The following FNBP4 variants were observed in gnomAD, a reference collection of about 807,000 sequenced individuals.
The protein encoded by FNBP4 is formin binding protein 4.
In FNBP4, 34 loss-of-function variants were observed where a neutral mutation model predicts 119.3. The ratio of observed to expected loss-of-function variants is 0.28; its 90% CI spans 0.22 to 0.38. The LOEUF is 0.38. FNBP4 is among the 10% of genes least tolerant of loss of function. FNBP4 has a pLI of 1.00. For synonymous variants in FNBP4, 462 were observed against 430.6 expected (o/e 1.07, Z -0.90); for missense variants, 1,112 against 1,228.9 (o/e 0.90, Z 1.42).
chr11:47,755,789 T>C (rs1246185291), intron 2 of FNBP4, among the ~76,000 whole-genome samples: 1 of 151,640 alleles, frequency 6.6e-6, no homozygotes, highest in East Asian at 1.9e-4. Context: ...AGACTGACCA[T>C]GTCTCCAAAA....
chr11:47,747,825 G>A (rs1001384869), intron 6 of FNBP4, among the ~76,000 whole-genome samples: 8 of 152,120 alleles, frequency 5.3e-5, no homozygotes, highest in African/African-American at 1.4e-4. Flanking sequence ...GCGTGCGCCT[G>A]TAATCCCAGC....
chr11:47,756,113 G>A (rs1398982267), intron 2 of FNBP4, among the ~76,000 whole-genome samples: 1 of 152,098 alleles, frequency 6.6e-6, no homozygotes, highest in African/African-American at 2.4e-5. Context: ...GGCTCAACAT[G>A]GCTAAAACCA....
intron 1 of FNBP4, among the ~76,000 whole-genome samples, chr11:47,765,567 C>G (rs1377462978): frequency 1.9e-4 from 7 of 36,404 alleles, no homozygotes; most frequent in African/African-American, 1.8e-3. Flanking sequence ...GAGGCCAAGA[C>G]GGGGGGGGGG....
intron 15 of FNBP4, 70 bp from the exon 16 acceptor site, chr11:47,720,156 G>C: frequency 7.0e-7 from 1 of 1,423,014 alleles, no homozygotes; most frequent in Non-Finnish European, 9.5e-7. Flanking sequence ...CTACAATGGA[G>C]GTCAGGATCC....
chr11:47,745,653 C>T (rs978589924), intron 7 of FNBP4, among the ~76,000 whole-genome samples: 1 of 152,138 alleles, frequency 6.6e-6, no homozygotes, highest in African/African-American at 2.4e-5. Context: ...CCTGTTCTTA[C>T]ACCTCCTCCC....
intron 12 of FNBP4, among the ~76,000 whole-genome samples, chr11:47,728,587 G>C (rs1204498466): frequency 6.6e-6 from 1 of 152,026 alleles, no homozygotes; most frequent in African/African-American, 2.4e-5. Context: ...TCAAGCTAGA[G>C]TGCAATGGTG....
intron 6 of FNBP4, 59 bp from the exon 7 acceptor site, chr11:47,746,453 T>C: frequency 2.2e-6 from 3 of 1,339,542 alleles, no homozygotes; most frequent in Non-Finnish European, 3.1e-6. Flanking sequence ...CACCTGCACA[T>C]ACATTCAATT....
Position 47,720,178 on chromosome 11 carries a change from C to T in FNBP4, c.2806-92G>A, listed in dbSNP as rs986982799. Reference sequence around the variant, plus strand: ...GGAGGTCAGGATCCTTTTCCCAGTTCTAAAGAATATGCACACTTTAAAAAA... The same window carrying T: ...GGAGGTCAGGATCCTTTTCCCAGTTTTAAAGAATATGCACACTTTAAAAAA... On this transcript the variant is annotated intron_variant, in intron 15 of 16. Transcript: ENST00000263773. The T allele has an allele frequency of 9.5e-5, 114 of 1,201,534 alleles. No individual in the cohort carries two copies. In the Middle Eastern group the frequency reaches 1.1e-3, roughly 11 times the overall value. 74.4% of individuals were successfully genotyped at this position (1,201,534 alleles called of 1,614,324 possible). A position where few individuals can be genotyped will look rare whatever the true frequency, so the allele number is the denominator to read the frequency against.
At chr11:47,724,208 C>T (rs757965098) in intron 13 of FNBP4, 36 bp from the exon 14 acceptor site, 2 of 1,611,058 alleles carry the variant, frequency 1.2e-6, no homozygotes, top group Non-Finnish European at 1.7e-6. Context: ...TGGCTGAAGG[C>T]CATGGTTAAA....
intron 2 of FNBP4, among the ~76,000 whole-genome samples, chr11:47,760,258 CATTTT>C (rs1183582883): frequency 6.7e-5 from 9 of 133,842 alleles, no homozygotes; most frequent in Non-Finnish European, 1.4e-4. Flanking sequence ...ATTGATCAAA[CATTTT>C]TTTTTTTTTT....
At chr11:47,724,432 T>A in intron 13 of FNBP4, 36 bp downstream of exon 13, 1 of 1,613,862 alleles carries the variant, frequency 6.2e-7, no homozygotes, top group South Asian at 1.1e-5. Flanking sequence ...GTTCCAGTCC[T>A]CAAAATCACT....
At chr11:47,762,057 C>G (rs1245599886) in intron 2 of FNBP4, among the ~76,000 whole-genome samples, 1 of 151,358 alleles carries the variant, frequency 6.6e-6, no homozygotes, top group African/African-American at 2.4e-5. Flanking sequence ...AGGCTGGTCT[C>G]GAACTCCAGA....
intron 15 of FNBP4, 95 bp from the exon 16 acceptor site, chr11:47,720,181 A>G (rs1370978655): frequency 8.7e-7 from 1 of 1,147,780 alleles, no homozygotes; most frequent in African/African-American, 1.6e-5. Context: ...CCCAGTTCTA[A>G]AGAATATGCA....
At chr11:47,731,766 T>C (rs1219508047) in intron 11 of FNBP4, 16 of 1,339,308 alleles carry the variant, frequency 1.2e-5, no homozygotes, top group South Asian at 2.1e-5. Context: ...CCAGCAACTC[T>C]GTGAATACAG....
intron 9 of FNBP4, among the ~76,000 whole-genome samples, chr11:47,734,926 T>C (rs1014108842): frequency 5.3e-5 from 8 of 151,338 alleles, no homozygotes; most frequent in African/African-American, 1.5e-4. Flanking sequence ...TGAGCCAAGA[T>C]TGTGCCACTG....
At chr11:47,727,953 C>T (rs2097563021) in intron 12 of FNBP4, among the ~76,000 whole-genome samples, 1 of 152,116 alleles carries the variant, frequency 6.6e-6, no homozygotes, top group African/African-American at 2.4e-5. Context: ...GATATTGGCC[C>T]ACCACAACCT....
chr11:47,725,394 A>G (rs2097559887), intron 12 of FNBP4: 1 of 152,254 alleles, frequency 6.6e-6, no homozygotes, highest in Non-Finnish European at 1.5e-5. Context: ...TACTAAATTT[A>G]AAAAATCCAT....
chr11:47,759,699 T>A (rs1414597130), intron 2 of FNBP4, among the ~76,000 whole-genome samples: 1 of 151,678 alleles, frequency 6.6e-6, no homozygotes, highest in Non-Finnish European at 1.5e-5. Context: ...ATGCCTGTAA[T>A]CCCAGCACTT....
chr11:47,753,770 T>C (rs2097609531), intron 3 of FNBP4, among the ~76,000 whole-genome samples: 3 of 152,146 alleles, frequency 2.0e-5, no homozygotes, highest in East Asian at 1.9e-4. Context: ...CATTTCAGCC[T>C]GGGTGACAGT....
Sources: allele counts gnomAD v4.1 joint callset (sites outside exome capture counted in the v4.1 genomes callset), GRCh38; gene constraint gnomAD v4.1.1; transcripts MANE v1.5; gene names NCBI Gene and HGNC (gene_info 2026-07-23, HGNC 2026-07-21).